The following PRDM5 variants were observed in gnomAD, a reference collection of about 807,000 sequenced individuals.
The protein encoded by PRDM5 is PR/SET domain 5.
PRDM5 carries 56 observed loss-of-function variants against 81.2 expected under a neutral mutation model. The ratio of observed to expected loss-of-function variants is 0.69; its 90% CI spans 0.56 to 0.86. The LOEUF (loss-of-function observed/expected upper bound fraction) is 0.86. Ranked by LOEUF, PRDM5 falls within the 40% of genes least tolerant of loss-of-function variation. The pLI, the probability that PRDM5 is intolerant of heterozygous loss-of-function variation, is 0.00. For missense variants in PRDM5, 697 were observed against 770.1 expected, an observed-to-expected ratio of 0.91 and a Z score of 1.12; for synonymous variants, 267 against 256.4, an observed-to-expected ratio of 1.04 and a Z score of -0.39.
chr4:120,836,016 G>A (rs1232176339), intron 3 of PRDM5, among the ~76,000 whole-genome samples: 5 of 152,068 alleles, frequency 3.3e-5, no homozygotes, highest in Non-Finnish European at 7.4e-5. Flanking sequence ...AAGGCCAGAG[G>A]GAAGCAGAAA....
intron 6 of PRDM5, 66 bp from the exon 7 acceptor site, chr4:120,816,640 T>A (rs1212078556): frequency 6.2e-7 from 1 of 1,604,978 alleles, no homozygotes; most frequent in African/African-American, 1.3e-5. Flanking sequence ...AACTCAAACA[T>A]CAGCAAGATT....
intron 4 of PRDM5, among the ~76,000 whole-genome samples, chr4:120,820,920 T>A (rs893848663): frequency 6.6e-6 from 1 of 152,228 alleles, no homozygotes; most frequent in Non-Finnish European, 1.5e-5. Context: ...AGCCGGGAGC[T>A]GCCCTAGCAA....
intron 14 of PRDM5, among the ~76,000 whole-genome samples, chr4:120,723,717 A>T (rs1053096958): frequency 1.3e-5 from 2 of 152,136 alleles, no homozygotes; most frequent in Non-Finnish European, 2.9e-5. Flanking sequence ...GCCGACTGAT[A>T]TATATAGTGT....
chr4:120,704,800 G>A (rs78395044), intron 15 of PRDM5, among the ~76,000 whole-genome samples: 4,879 of 152,188 alleles, frequency 0.032, 257 homozygotes, highest in African/African-American at 0.11. Context: ...GATGCATCGC[G>A]GTTTATCATG....
intron 3 of PRDM5, chr4:120,837,219 T>A (rs1241534170): frequency 6.6e-6 from 1 of 152,252 alleles, no homozygotes; most frequent in East Asian, 1.9e-4. Flanking sequence ...ATCTCTGAGG[T>A]GCCTGCTGAT....
In PRDM5 at chr4:120,708,064, G is replaced by A. The variant is rs545460507; in HGVS notation, c.1728+2245C>T. 1.8e-3 allele frequency among the ~76,000 whole-genome samples: 279 copies of A among 152,174 alleles called. 1 individual carries two copies. The highest frequency in any genetic ancestry group is 6.8e-3 in the Middle Eastern group (2 of 294). On this transcript the variant is annotated intron_variant, in intron 15 of 15. Transcript: ENST00000264808. ...TGCATTGCTGATGGAAATGTAAAAT[G>A]GTGTCGCTCCTAAGGAAAACAGTAT...
chr4:120,845,518 T>G (rs1259104953), intron 3 of PRDM5, among the ~76,000 whole-genome samples: 1 of 152,212 alleles, frequency 6.6e-6, no homozygotes, highest in African/African-American at 2.4e-5. Flanking sequence ...GTTTACTGCA[T>G]AGTCTACTGA....
chr4:120,750,072 T>TA (rs1743746946), intron 14 of PRDM5, among the ~76,000 whole-genome samples: 1 of 2,612 alleles, frequency 3.8e-4, no homozygotes, highest in Middle Eastern at 0.5. Context: ...ATAGAGCACC[T>TA]GAAAGTGGCT....
At chr4:120,880,371 ACT>A (rs942566223) in intron 2 of PRDM5, among the ~76,000 whole-genome samples, 7 of 152,056 alleles carry the variant, frequency 4.6e-5, no homozygotes, top group African/African-American at 1.2e-4. Flanking sequence ...TACTCTTGAC[ACT>A]CTCTATGCCA....
intron 1 of PRDM5, 85 bp from the exon 2 acceptor site, chr4:120,907,642 T>C (rs2148680674): frequency 9.4e-7 from 1 of 1,058,844 alleles, no homozygotes; most frequent in South Asian, 1.3e-5. Context: ...CTGGAATGTT[T>C]TTCTGCAAAT....
chr4:120,710,172 G>C lies in PRDM5; in HGVS notation c.1728+137C>G, dbSNP rs1736747896. 4.1e-6 allele frequency: 3 copies of C among 733,080 alleles called. No homozygotes were observed. In the Admixed American group the frequency reaches 6.1e-5, roughly 15 times the overall value. The allele number at this position is 733,080 out of a possible 1,614,324, so 45.4% of individuals were successfully genotyped here. On this transcript the variant is annotated intron_variant, in intron 15 of 15. Transcript: ENST00000264808. The stretch of plus-strand genomic sequence containing the variant: ...CAAGAACAAGCTATAAATAGCATAA[G>C]ACATTAACAGGCATAGGCACATTCC...
intron 2 of PRDM5, among the ~76,000 whole-genome samples, chr4:120,859,500 C>G (rs1188901916): frequency 6.6e-6 from 1 of 152,154 alleles, no homozygotes; most frequent in Non-Finnish European, 1.5e-5. Context: ...GCTGGGATTA[C>G]AGGCATGAGT....
chr4:120,879,504 G>A (rs1028631236), intron 2 of PRDM5, among the ~76,000 whole-genome samples: 1 of 152,120 alleles, frequency 6.6e-6, no homozygotes, highest in Admixed American at 6.5e-5. Context: ...GAGGTGACAA[G>A]GATGAAGACC....
At chr4:120,891,269 A>G (rs535985361) in intron 2 of PRDM5, among the ~76,000 whole-genome samples, 4 of 152,322 alleles carry the variant, frequency 2.6e-5, no homozygotes, top group East Asian at 1.9e-4. Context: ...GGAAGATTAT[A>G]TGTCTCCAGC....
chr4:120,802,595 G>C (rs1752293999), intron 8 of PRDM5, among the ~76,000 whole-genome samples: 1 of 152,234 alleles, frequency 6.6e-6, no homozygotes, highest in Admixed American at 6.5e-5. Context: ...CAGGCAAAGA[G>C]GGTCTGGAGT....
intron 2 of PRDM5, among the ~76,000 whole-genome samples, chr4:120,886,935 ACT>A (rs1348541817): frequency 2.0e-5 from 3 of 146,914 alleles, no homozygotes; most frequent in African/African-American, 7.5e-5. Context: ...GTCATTCTTG[ACT>A]CTTCTCTTTC....
chr4:120,735,079 G>T (rs1029951120), intron 14 of PRDM5, among the ~76,000 whole-genome samples: 1 of 152,176 alleles, frequency 6.6e-6, no homozygotes, highest in Non-Finnish European at 1.5e-5. Context: ...GTCAAAGAAA[G>T]TCCCTTTAAT....
intron 2 of PRDM5, among the ~76,000 whole-genome samples, chr4:120,875,354 A>T (rs1016550144): frequency 6.6e-6 from 1 of 152,214 alleles, no homozygotes; most frequent in African/African-American, 2.4e-5. Context: ...TGACTCTGAG[A>T]CTGCCAAGGA....
chr4:120,802,369 C>T (rs944717499), intron 8 of PRDM5, among the ~76,000 whole-genome samples: 3 of 152,144 alleles, frequency 2.0e-5, no homozygotes, highest in Non-Finnish European at 2.9e-5. Flanking sequence ...ACTGAGGTAC[C>T]GGGTTCATCT....
Sources: gnomAD v4.1 joint callset for allele counts (sites outside exome capture counted in the v4.1 genomes callset) on GRCh38, gnomAD v4.1.1 for gene constraint, MANE v1.5 for transcripts, NCBI Gene and HGNC (gene_info 2026-07-23, HGNC 2026-07-21) for gene names.